The following IQGAP1 variants were observed in gnomAD, a reference collection of about 807,000 sequenced individuals.
The protein encoded by IQGAP1 is IQ motif containing GTPase activating protein 1.
In IQGAP1, 66 loss-of-function variants were observed where a neutral mutation model predicts 215.6. The ratio of observed to expected loss-of-function variants is 0.31; its 90% confidence interval spans 0.25 to 0.38. IQGAP1 has a LOEUF of 0.38. IQGAP1 is among the 10% of genes least tolerant of loss of function. The pLI is 1.00. For synonymous variants in IQGAP1, 772 were observed against 728.7 expected, an observed-to-expected ratio of 1.06 and a Z score of -0.96; for missense variants, 1,712 against 1,997.1, an observed-to-expected ratio of 0.86 and a Z score of 2.72.
chr15:90,472,793 C>A, intron 18 of IQGAP1, 47 bp from the exon 19 acceptor site: 1 of 1,545,290 alleles, frequency 6.5e-7, no homozygotes, highest in Non-Finnish European at 8.8e-7. Flanking sequence ...AAACCTGCAT[C>A]CATTCTTGCC....
Position 90,491,567 on chromosome 15 carries a change from G to A in IQGAP1, c.4461+22G>A, listed in dbSNP as rs370199422. ...CAGGGTACTGCATTCGGGGGACAGA[G>A]GGGACCCGGCCTTGTTCAAAGCTGA... On this transcript the variant is annotated intron_variant, in intron 34 of 37. Transcript: ENST00000268182. 150 of 1,599,234 alleles carry A rather than the reference G, an allele frequency of 9.4e-5. 1 individual carries two copies. In the African/African-American group the frequency reaches 1.9e-3, roughly 20 times the overall value.
At chr15:90,493,432 C>T (rs2151040098) in intron 35 of IQGAP1, among the ~76,000 whole-genome samples, 1 of 152,256 alleles carries the variant, frequency 6.6e-6, no homozygotes, top group Non-Finnish European at 1.5e-5. Flanking sequence ...GCCTTCTTGG[C>T]ACTGGCCACA....
chr15:90,430,520 C>T (rs182072682), intron 4 of IQGAP1, among the ~76,000 whole-genome samples: 1 of 152,066 alleles, frequency 6.6e-6, no homozygotes, highest in Admixed American at 6.6e-5. Context: ...AATACTAGTG[C>T]CATTTAAAAG....
intron 4 of IQGAP1, among the ~76,000 whole-genome samples, chr15:90,431,050 ATAT>A (rs1393584384): frequency 2.7e-5 from 4 of 148,180 alleles, no homozygotes; most frequent in Admixed American, 1.4e-4. Flanking sequence ...AATATATTAT[ATAT>A]TATATATACA....
At chr15:90,479,379 C>T (rs1454633101) in intron 26 of IQGAP1, among the ~76,000 whole-genome samples, 1 of 151,954 alleles carries the variant, frequency 6.6e-6, no homozygotes, top group African/African-American at 2.4e-5. Flanking sequence ...TCCATGTACC[C>T]GGATGCCAGG....
At position 90,409,518 on chromosome 15, in the gene IQGAP1, G is replaced by A. The variant is rs76737825; in HGVS notation, c.156-16592G>A. 5.3e-5 allele frequency among the ~76,000 whole-genome samples: 8 copies of A among 152,048 alleles called. 1 individual carries two copies. In the East Asian group the frequency reaches 5.8e-4, roughly 11 times the overall value. On this transcript the variant is annotated intron_variant, in intron 2 of 37. Transcript: ENST00000268182. ...CTCCCAAAGTGCTGGGATTACAGAC[G>A]TGAGCCACTGCGCCAGGCCTTAATT...
At chr15:90,410,931 G>A (rs1263346090) in intron 2 of IQGAP1, among the ~76,000 whole-genome samples, 2 of 151,478 alleles carry the variant, frequency 1.3e-5, no homozygotes, top group Non-Finnish European at 2.9e-5. Flanking sequence ...TATCACCAAT[G>A]GCCTAATTGC....
chr15:90,433,631 T>A, intron 4 of IQGAP1, 88 bp from the exon 5 acceptor site: 1 of 786,866 alleles, frequency 1.3e-6, no homozygotes, highest in Non-Finnish European at 2.1e-6. Flanking sequence ...TAACTGTCCA[T>A]AGTTTGATTT....
At chr15:90,395,323 T>G (rs1964698060) in intron 2 of IQGAP1, among the ~76,000 whole-genome samples, 3 of 152,010 alleles carry the variant, frequency 2.0e-5, no homozygotes, top group Admixed American at 2.0e-4. Context: ...TTTTTTTTGT[T>G]TTTTTGTTTT....
chr15:90,458,819 T>C (rs1965722537), intron 15 of IQGAP1, among the ~76,000 whole-genome samples: 1 of 152,210 alleles, frequency 6.6e-6, no homozygotes, highest in African/African-American at 2.4e-5. Flanking sequence ...TCAAGTGACA[T>C]TCTGCATAAT....
chr15:90,454,364 T>G, intron 13 of IQGAP1, 64 bp from the exon 14 acceptor site: 1 of 1,599,060 alleles, frequency 6.3e-7, no homozygotes, highest in Non-Finnish European at 8.5e-7. Flanking sequence ...CCTAGCAATC[T>G]TTGTTCCTTG....
intron 9 of IQGAP1, 50 bp from the exon 10 acceptor site, chr15:90,448,523 G>C: frequency 2.7e-6 from 4 of 1,482,140 alleles, no homozygotes; most frequent in Non-Finnish European, 3.6e-6. Context: ...ACTATTCTAG[G>C]CTCTTCTGTT....
At chr15:90,440,475 T>G (rs1412911386) in intron 6 of IQGAP1, 27 bp from the exon 7 acceptor site, 3 of 1,475,418 alleles carry the variant, frequency 2.0e-6, no homozygotes, top group Non-Finnish European at 2.8e-6. Flanking sequence ...TTAGCTTGAT[T>G]GACTGATTAT....
At chr15:90,493,689 C>T (rs999195873) in intron 35 of IQGAP1, among the ~76,000 whole-genome samples, 1 of 152,194 alleles carries the variant, frequency 6.6e-6, no homozygotes, top group Non-Finnish European at 1.5e-5. Flanking sequence ...CTCTGTTTCT[C>T]TCTTTCCATG....
intron 8 of IQGAP1, among the ~76,000 whole-genome samples, chr15:90,442,122 GT>G (rs1965458946): frequency 1.3e-5 from 2 of 152,234 alleles, no homozygotes; most frequent in African/African-American, 4.8e-5. Context: ...TATTAACATA[GT>G]CTTTCCTCTT....
rs532983206 is a variant in IQGAP1 at position 90,440,588 on chromosome 15, A to T, written c.622A>T (p.Asn208Tyr). The change falls in exon 7 of 38, where the codon AAT (asparagine) becomes TAT (tyrosine). Residue 208 changes from asparagine to tyrosine, a missense_variant. By Grantham distance (143) the Asn-to-Tyr change is moderately radical. Transcript: ENST00000268182. ...TAGCAAGATTGGGGGCATCTTGGCTAATGAACTGTCAGTGGATGAAGCCGC... is the reference window on the plus strand; with the variant it reads ...TAGCAAGATTGGGGGCATCTTGGCTTATGAACTGTCAGTGGATGAAGCCGC... ...AFSKIGGILA[N>Y]ELSVDEAALH... is the part of the protein sequence containing the mutation. The T allele has an allele frequency of 2.6e-6, 4 of 1,566,052 alleles. No homozygotes were observed. In the South Asian group the frequency reaches 4.7e-5, roughly 18 times the overall value.
chr15:90,405,371 G>A (rs1260738954), intron 2 of IQGAP1, among the ~76,000 whole-genome samples: 2 of 152,184 alleles, frequency 1.3e-5, no homozygotes, highest in African/African-American at 4.8e-5. Flanking sequence ...TTAATATCGT[G>A]TAGTAAAGTT....
intron 2 of IQGAP1, among the ~76,000 whole-genome samples, chr15:90,401,186 G>A (rs192440195): frequency 3.5e-4 from 53 of 152,160 alleles, no homozygotes; most frequent in African/African-American, 1.2e-3. Context: ...TTCTCCTGAA[G>A]TCTCCTAGCA....
chr15:90,439,279 T>C, intron 5 of IQGAP1, 53 bp from the exon 6 acceptor site: 1 of 1,420,570 alleles, frequency 7.0e-7, no homozygotes, highest in Non-Finnish European at 9.9e-7. Flanking sequence ...CTTTTAAGGG[T>C]GGCAGCTAGG....
Sources: gnomAD v4.1 joint callset for allele counts (sites outside exome capture counted in the v4.1 genomes callset) on GRCh38, gnomAD v4.1.1 for gene constraint, MANE v1.5 for transcripts, NCBI Gene and HGNC (gene_info 2026-07-23, HGNC 2026-07-21) for gene names.